MTF1: variants seen among roughly 807,000 people sequenced by gnomAD.
The protein encoded by MTF1 is metal regulatory transcription factor 1.
Under a neutral mutation model 70.4 loss-of-function variants are expected in MTF1, and 22 were observed. That is an observed-to-expected ratio of 0.31 (90% CI 0.22 to 0.45). The LOEUF (loss-of-function observed/expected upper bound fraction) is 0.45, where lower values mean the gene tolerates loss of function less well. Ranked by LOEUF, MTF1 falls within the 20% of genes least tolerant of loss-of-function variation. The pLI is 1.00. For missense variants in MTF1, 649 were observed against 922.0 expected (o/e 0.70, Z 3.83); for synonymous variants, 333 against 352.8 (o/e 0.94, Z 0.63).
chr1:37,825,593 C>G (rs926029012), intron 7 of MTF1, among the ~76,000 whole-genome samples: 8 of 152,122 alleles, frequency 5.3e-5, no homozygotes, highest in Admixed American at 5.2e-4. Flanking sequence ...GCAAGTACAG[C>G]TGACCCTTGA....
intron 8 of MTF1, among the ~76,000 whole-genome samples, chr1:37,823,267 C>A (rs1640946200): frequency 6.6e-6 from 1 of 151,720 alleles, no homozygotes; most frequent in Admixed American, 6.6e-5. Context: ...AAAACCCCAT[C>A]TCTACCAAAA....
rs540938087 is a variant in MTF1, at chr1:37,849,560, C to T, written c.408+7691G>A. 2.0e-5 allele frequency among the ~76,000 whole-genome samples: 3 copies of T among 152,242 alleles called. No individual in the cohort carries two copies. The South Asian group carries it at 6.2e-4, about 32-fold the overall frequency. On this transcript the variant is annotated intron_variant, in intron 2 of 10. Coordinates refer to ENST00000373036, the MANE Select transcript of MTF1 (RefSeq NM_005955.3). ...ATACGATTCCTAGGGTTTTTTCATG[C>T]TCCTTGGCCAACTACTCTATAGAAA...
chr1:37,839,970 T>C lies in MTF1; in HGVS notation c.597A>G (p.Pro199=), dbSNP rs1557594733. 3 of 1,614,246 alleles carry C rather than the reference T, an allele frequency of 1.9e-6. No individual in the cohort carries two copies. In the Admixed American group the frequency reaches 5.0e-5, roughly 27 times the overall value. The change falls in exon 3 of 11, where the codon CCA becomes CCG. Residue 199 remains proline (P), a synonymous_variant. Coordinates refer to ENST00000373036, the MANE Select transcript of MTF1 (RefSeq NM_005955.3). ...CACAGCCCTGCACGTCACACTCAAATGGCTTCTCCTTCGTGTGCACTCGCA... is the reference window on the plus strand; with the variant it reads ...CACAGCCCTGCACGTCACACTCAAACGGCTTCTCCTTCGTGTGCACTCGCA... ...IHVRVHTKEK[P]FECDVQGCEK... is the part of the protein sequence containing the mutation.
At chr1:37,849,840 T>C (rs892212493) in intron 2 of MTF1, among the ~76,000 whole-genome samples, 1 of 152,026 alleles carries the variant, frequency 6.6e-6, no homozygotes, top group African/African-American at 2.4e-5. Flanking sequence ...TGAGCTATGA[T>C]GATGGCCTGG....
At position 37,813,323 on chromosome 1, in the gene MTF1, G is replaced by A. The variant is rs1488924356; in HGVS notation, c.*1813C>T. The A allele has an allele frequency of 6.6e-6, 1 of 152,046 alleles. No individual in the cohort carries two copies. Among genetic ancestry groups the A allele is most frequent in the Non-Finnish European group, 1.5e-5 (1 of 68,024 alleles). The allele number at this position is 152,046 out of a possible 1,614,324, so 9.4% of individuals were successfully genotyped here. ...TATTCTGGCTAGGGTCCTGGAATGAGAAATTGGCTGCTTGTAGTTAAGATT... is the reference window on the plus strand; with the variant it reads ...TATTCTGGCTAGGGTCCTGGAATGAAAAATTGGCTGCTTGTAGTTAAGATT... On this transcript the variant is annotated 3_prime_UTR_variant, in exon 11 of 11. Transcript: ENST00000373036.
At chr1:37,820,352 T>C (rs1040881242) in intron 9 of MTF1, among the ~76,000 whole-genome samples, 2 of 152,176 alleles carry the variant, frequency 1.3e-5, no homozygotes, top group Non-Finnish European at 2.9e-5. Flanking sequence ...CAACAAACCA[T>C]TAGTGTCTGA....
chr1:37,833,032 T>A (rs1641112316), intron 6 of MTF1, among the ~76,000 whole-genome samples: 2 of 151,334 alleles, frequency 1.3e-5, no homozygotes, highest in African/African-American at 4.9e-5. Flanking sequence ...ATAATAATAA[T>A]AAAGAGTTTT....
chr1:37,822,246 G>A lies in MTF1; in HGVS notation c.1642C>T (p.Pro548Ser), dbSNP rs1425814607. The A allele has an allele frequency of 1.9e-6, 3 of 1,614,078 alleles. No homozygotes were observed. Among genetic ancestry groups the A allele is most frequent in the Non-Finnish European group, 2.5e-6 (3 of 1,180,046 alleles). Residue 548 changes from proline (P) to serine (S), a missense_variant, in exon 9 of 11, where the codon CCC (proline) becomes TCC (serine). Pro to Ser is a moderately conservative substitution (Grantham distance 74). This residue lies in a region of MTF1 where 267 missense variants were observed against 292.1 expected (regional missense o/e 0.91). Coordinates refer to ENST00000373036, the MANE Select transcript of MTF1 (RefSeq NM_005955.3). Reference sequence around the variant, plus strand: ...GGAGTTGGGGTGATGGTTATTGTGGGATTATTAGTTAGGACAGAGTTGGCA... The same window carrying A: ...GGAGTTGGGGTGATGGTTATTGTGGAATTATTAGTTAGGACAGAGTTGGCA... ...LGANSVLTNNPTITITPTPNT... is the reference protein window; with the variant it reads ...LGANSVLTNNSTITITPTPNT...
intron 1 of MTF1, among the ~76,000 whole-genome samples, chr1:37,858,087 T>A (rs1641528863): frequency 1.3e-5 from 2 of 151,860 alleles, no homozygotes; most frequent in Admixed American, 6.6e-5. Flanking sequence ...TAAGACCTTC[T>A]GAATACGCCT....
Position 37,857,693 on chromosome 1 carries a change from A to G in MTF1, c.-35T>C, listed in dbSNP as rs202162138. ...GTGCTCAGCCCAGTTGTGAGAAATG[A>G]AAACGTAATGACTTGTCTGCAACAG... On this transcript the variant is annotated 5_prime_UTR_variant, in exon 2 of 11. Coordinates refer to ENST00000373036, the MANE Select transcript of MTF1 (RefSeq NM_005955.3). 3.6e-4 allele frequency: 571 copies of G among 1,599,524 alleles called. 1 individual carries two copies. The highest frequency in any genetic ancestry group is 1.3e-3 in the Middle Eastern group (8 of 5,998).
intron 7 of MTF1, among the ~76,000 whole-genome samples, chr1:37,831,724 A>T (rs1641090293): frequency 1.3e-5 from 2 of 152,152 alleles, no homozygotes; most frequent in African/African-American, 4.8e-5. Flanking sequence ...TATGTGTAAG[A>T]GGTTTTCTTC....
At position 37,840,009 on chromosome 1, in the gene MTF1, G is replaced by T. The variant is rs1641232222; in HGVS notation, c.558C>A (p.Ser186Arg). The change falls in exon 3 of 11, where the codon AGC becomes AGA. Residue 186 changes from serine (S) to arginine (R), a missense_variant. Coordinates refer to ENST00000373036, the MANE Select transcript of MTF1 (RefSeq NM_005955.3). The surrounding 1 kb of genome is among the most constrained non-coding windows in gnomAD (Gnocchi z 4.5). ...TGTGCACTCGCACGTGGATCCTGAG[G>T]CTGTAAGAGGTAAGGAAGGCTTTGC... ...GCGKAFLTSY[S>R]LRIHVRVHTK... The T allele has an allele frequency of 6.2e-7, 1 of 1,614,222 alleles. No homozygotes were observed. The highest frequency in any genetic ancestry group is 8.5e-7 in the Non-Finnish European group (1 of 1,180,036).
chr1:37,841,996 G>A (rs1040066037), intron 2 of MTF1, among the ~76,000 whole-genome samples: 2 of 151,676 alleles, frequency 1.3e-5, no homozygotes, highest in African/African-American at 2.4e-5. Flanking sequence ...GATTGCTACT[G>A]CACTCCAGCT....
At chr1:37,834,695 A>T (rs1295851087) in intron 6 of MTF1, 7 of 463,650 alleles carry the variant, frequency 1.5e-5, no homozygotes, top group Non-Finnish European at 3.0e-5. Context: ...TAATCAGAAG[A>T]AGTGATGGGA....
At chr1:37,828,773 T>C (rs1357093161) in intron 7 of MTF1, among the ~76,000 whole-genome samples, 2 of 152,222 alleles carry the variant, frequency 1.3e-5, no homozygotes, top group African/African-American at 4.8e-5. Flanking sequence ...CTGCCAAGCT[T>C]CAGGGCAAAA....
chr1:37,848,693 G>C (rs1053523642), intron 2 of MTF1, among the ~76,000 whole-genome samples: 4 of 152,158 alleles, frequency 2.6e-5, no homozygotes, highest in African/African-American at 9.7e-5. Flanking sequence ...CTAAGGAGAG[G>C]TATATAATAC....
At chr1:37,821,331 T>C (rs1208503729) in intron 9 of MTF1, among the ~76,000 whole-genome samples, 1 of 152,080 alleles carries the variant, frequency 6.6e-6, no homozygotes, top group Admixed American at 6.6e-5. Flanking sequence ...TTAAAAAATA[T>C]GTAGCACAAT....
rs1640777225 is a variant in MTF1, at chr1:37,813,979, C to A, written c.*1157G>T. On this transcript the variant is annotated 3_prime_UTR_variant, in exon 11 of 11. Transcript: ENST00000373036. ...TTTTGCTATACCCTGAGTAGAAGATCATCGTTTTGTGTTTCTTTTTTTTTT... is the reference window on the plus strand; with the variant it reads ...TTTTGCTATACCCTGAGTAGAAGATAATCGTTTTGTGTTTCTTTTTTTTTT... 1 of 151,124 alleles carries A rather than the reference C, an allele frequency of 6.6e-6. No individual in the cohort carries two copies. The highest frequency in any genetic ancestry group is 2.4e-5 in the African/African-American group (1 of 41,062). The allele number at this position is 151,124 out of a possible 1,614,324, so 9.4% of individuals were successfully genotyped here.
At chr1:37,830,557 A>G (rs746549105) in intron 7 of MTF1, among the ~76,000 whole-genome samples, 4 of 152,250 alleles carry the variant, frequency 2.6e-5, no homozygotes, top group Non-Finnish European at 5.9e-5. Flanking sequence ...TTAACATTAG[A>G]TGGGTCATCT....
Sources: gnomAD v4.1 joint callset for allele counts (sites outside exome capture counted in the v4.1 genomes callset) on GRCh38, gnomAD v4.1.1 for gene constraint, gnomAD v4.1.1 regional missense constraint, Gnocchi (gnomAD v3.1) non-coding constraint, MANE v1.5 for transcripts, NCBI Gene and HGNC (gene_info 2026-07-23, HGNC 2026-07-21) for gene names.